Variants in FAM135B observed in about 807,000 individuals in gnomAD.
FAM135B encodes protein FAM135B.
A neutral mutation model predicts 127.7 loss-of-function variants in FAM135B; 43 were observed. The ratio of observed to expected loss-of-function variants is 0.34; its 90% confidence interval spans 0.26 to 0.43. The LOEUF is 0.43. Ranked by LOEUF, FAM135B falls within the 20% of genes least tolerant of loss-of-function variation. FAM135B has a pLI of 1.00. For synonymous variants in FAM135B, 670 were observed against 665.1 expected (o/e 1.01, Z -0.11); for missense variants, 1,558 against 1,725.6 (o/e 0.90, Z 1.72).
chr8:138,146,087 G>T, intron 14 of FAM135B, 37 bp from the exon 15 acceptor site: 1 of 1,046,266 alleles, frequency 9.6e-7, no homozygotes, highest in Non-Finnish European at 1.5e-6. Context: ...CAGTCCCGTA[G>T]TTAGTCATAT....
rs1248622863 is a variant in FAM135B at position 138,243,019 on chromosome 8, T to G, written c.592A>C (p.Thr198Pro). The G allele has an allele frequency of 2.5e-6, 4 of 1,613,726 alleles. No individual in the cohort carries two copies. In the African/African-American group the frequency reaches 5.3e-5, roughly 22 times the overall value. ...GSWLGKGGPD[T>P]GQEQSIISLE... ...GAAATGATAGACTGTTCTTGTCCGG[T>G]GTCTGGGCCACCTTTACCAAGCCAG... Residue 198 changes from threonine to proline, a missense_variant, in exon 7 of 20, where the codon ACC becomes CCC. This residue lies in a region of FAM135B where 127 missense variants were observed against 109.7 expected (regional missense o/e 1.16). Coordinates refer to ENST00000395297, the MANE Select transcript of FAM135B (RefSeq NM_015912.4). The surrounding 1 kb of genome is among the most constrained non-coding windows in gnomAD (Gnocchi z 7.5).
intron 1 of FAM135B, among the ~76,000 whole-genome samples, chr8:138,478,261 A>C (rs1204707752): frequency 6.6e-6 from 1 of 152,102 alleles, no homozygotes; most frequent in Non-Finnish European, 1.5e-5. Context: ...ATGTGTTAAC[A>C]AGCGCCCCTG....
intron 1 of FAM135B, among the ~76,000 whole-genome samples, chr8:138,469,158 G>GA (rs995510721): frequency 2.0e-4 from 31 of 151,812 alleles, no homozygotes; most frequent in Admixed American, 1.6e-3. Context: ...GAAAGTAATG[G>GA]AAAAAATGCT....
At chr8:138,266,841 A>G (rs2130643956) in intron 3 of FAM135B, among the ~76,000 whole-genome samples, 1 of 152,078 alleles carries the variant, frequency 6.6e-6, no homozygotes, top group African/African-American at 2.4e-5. Flanking sequence ...TATACATACT[A>G]AAGTAAATAA....
In FAM135B at chr8:138,394,028, G is replaced by A. The variant is rs150429896; in HGVS notation, c.-19-26026C>T. Among the ~76,000 whole-genome samples the A allele has an allele frequency of 2.0e-5, 3 of 152,312 alleles. No individual in the cohort carries two copies. The East Asian group carries it at 5.8e-4, about 29-fold the overall frequency. On this transcript the variant is annotated intron_variant, in intron 1 of 19. Coordinates refer to ENST00000395297, the MANE Select transcript of FAM135B (RefSeq NM_015912.4). ...GAGCAAACAGGACACTTTGGTTCATGTGATGGGCTGTGGAATCTGTGCCTT... is the reference window on the plus strand; with the variant it reads ...GAGCAAACAGGACACTTTGGTTCATATGATGGGCTGTGGAATCTGTGCCTT...
At chr8:138,181,343 A>G (rs1815014025) in intron 9 of FAM135B, among the ~76,000 whole-genome samples, 1 of 152,164 alleles carries the variant, frequency 6.6e-6, no homozygotes, top group Admixed American at 6.5e-5. Context: ...CTTTTGGATG[A>G]ACTGTAAGTG....
chr8:138,297,507 T>C (rs1200355498), intron 3 of FAM135B, among the ~76,000 whole-genome samples: 1 of 152,252 alleles, frequency 6.6e-6, no homozygotes, highest in African/African-American at 2.4e-5. Flanking sequence ...ATTTCATTCA[T>C]TGCATTTTTT....
chr8:138,454,617 C>G (rs1279338418), intron 1 of FAM135B, among the ~76,000 whole-genome samples: 1 of 127,982 alleles, frequency 7.8e-6, no homozygotes, highest in Non-Finnish European at 1.7e-5. Flanking sequence ...CTTCCTCCAT[C>G]ACTCAGGTCT....
chr8:138,472,795 C>T (rs1837754488), intron 1 of FAM135B, among the ~76,000 whole-genome samples: 1 of 152,162 alleles, frequency 6.6e-6, no homozygotes, highest in South Asian at 2.1e-4. Flanking sequence ...TTTAGAAGGA[C>T]TCAAGACTGA....
intron 17 of FAM135B, among the ~76,000 whole-genome samples, chr8:138,139,702 C>T (rs1436166681): frequency 1.3e-5 from 2 of 152,120 alleles, no homozygotes; most frequent in African/African-American, 2.4e-5. Context: ...GGAGGCAGAG[C>T]TTGCAGTGAG....
At chr8:138,256,818 C>A (rs1012506106) in intron 4 of FAM135B, 59 bp from the exon 5 acceptor site, 69 of 1,273,112 alleles carry the variant, frequency 5.4e-5, no homozygotes, top group Admixed American at 7.0e-5. Context: ...AAATGAAATA[C>A]TTAGCTGGTC....
At chr8:138,271,646 G>A (rs751505641) in intron 3 of FAM135B, among the ~76,000 whole-genome samples, 5 of 152,126 alleles carry the variant, frequency 3.3e-5, no homozygotes, top group East Asian at 1.9e-4. Context: ...TTCCACACAC[G>A]TTGCATTAGT....
chr8:138,291,294 A>G (rs1476338550), intron 3 of FAM135B, among the ~76,000 whole-genome samples: 1 of 152,176 alleles, frequency 6.6e-6, no homozygotes, highest in Non-Finnish European at 1.5e-5. Context: ...TGACTAATGG[A>G]AGATATTTCT....
rs183696523 is a variant in FAM135B at position 138,240,380 on chromosome 8, C to T, written c.669+2562G>A. Among the ~76,000 whole-genome samples the T allele has an allele frequency of 2.3e-3, 344 of 152,292 alleles. 1 individual carries two copies. Among genetic ancestry groups the T allele is most frequent in the African/African-American group, 7.6e-3 (316 of 41,556 alleles). ...CCATCCCACTTCATACCAGGTCTAA[C>T]GTTCTGAGCTGGGCACACACACGTC... On this transcript the variant is annotated intron_variant, in intron 7 of 19. Transcript: ENST00000395297.
intron 1 of FAM135B, among the ~76,000 whole-genome samples, chr8:138,425,014 A>G (rs1203095957): frequency 6.6e-6 from 1 of 152,226 alleles, no homozygotes; most frequent in Non-Finnish European, 1.5e-5. Flanking sequence ...CTGTCACTTC[A>G]GAATATGTCT....
intron 1 of FAM135B, among the ~76,000 whole-genome samples, chr8:138,480,605 G>A (rs1188298171): frequency 6.6e-6 from 1 of 152,138 alleles, no homozygotes; most frequent in Non-Finnish European, 1.5e-5. Flanking sequence ...AAAAATGAGA[G>A]AGGTTCAGTG....
intron 1 of FAM135B, among the ~76,000 whole-genome samples, chr8:138,493,343 G>C (rs559771928): frequency 6.6e-6 from 1 of 152,088 alleles, no homozygotes; most frequent in South Asian, 2.1e-4. Flanking sequence ...GTTCTTGGTG[G>C]TTGGGACCAT....
intron 1 of FAM135B, among the ~76,000 whole-genome samples, chr8:138,458,148 T>C (rs1836910027): frequency 6.6e-6 from 1 of 152,108 alleles, no homozygotes; most frequent in African/African-American, 2.4e-5. Flanking sequence ...AGAGACTCCA[T>C]CTCAAATAAA....
chr8:138,340,902 C>T (rs576167871), intron 2 of FAM135B, among the ~76,000 whole-genome samples: 1 of 152,310 alleles, frequency 6.6e-6, no homozygotes, highest in African/African-American at 2.4e-5. Flanking sequence ...CTCTCCAAAT[C>T]CAGCTCCACC....
Sources: gnomAD v4.1 joint callset for allele counts (sites outside exome capture counted in the v4.1 genomes callset) on GRCh38, gnomAD v4.1.1 for gene constraint, gnomAD v4.1.1 regional missense constraint, Gnocchi (gnomAD v3.1) non-coding constraint, MANE v1.5 for transcripts, NCBI Gene and HGNC (gene_info 2026-07-23, HGNC 2026-07-21) for gene names.